The following DLGAP2 variants were observed in gnomAD, a reference collection of about 807,000 sequenced individuals.
DLGAP2 encodes the protein DLG associated protein 2, also known as disks large-associated protein 2.
Under a neutral mutation model 100.3 loss-of-function variants are expected in DLGAP2, and 26 were observed. The observed-to-expected ratio is 0.26, with a 90% CI of 0.19 to 0.36. The LOEUF is 0.36. DLGAP2 is among the 10% of genes least tolerant of loss of function. The probability of loss-of-function intolerance (pLI) is 1.00; values close to 1 mark genes in which losing one functional copy is unlikely to be tolerated. For missense variants in DLGAP2, 1,858 were observed against 1,453.2 expected, an observed-to-expected ratio of 1.28 and a Z score of -4.53; for synonymous variants, 886 against 630.1, an observed-to-expected ratio of 1.41 and a Z score of -6.08.
At chr8:1,454,472 A>G (rs992489077) in intron 3 of DLGAP2, among the ~76,000 whole-genome samples, 7 of 152,096 alleles carry the variant, frequency 4.6e-5, no homozygotes, top group African/African-American at 1.7e-4. Context: ...TGGCACAGCA[A>G]CTGTAGTGGT....
chr8:986,452 G>A (rs1800490132), intron 2 of DLGAP2, among the ~76,000 whole-genome samples: 1 of 152,064 alleles, frequency 6.6e-6, no homozygotes, highest in South Asian at 2.1e-4. Context: ...CTTACTTTAT[G>A]TGGTTCCTAA....
chr8:758,355 T>C (rs1015555737), intron 1 of DLGAP2, among the ~76,000 whole-genome samples: 4 of 152,228 alleles, frequency 2.6e-5, no homozygotes, highest in African/African-American at 7.2e-5. Context: ...TTCCCTGTTA[T>C]TGCTTATCAG....
At chr8:1,431,376 C>T (rs1055854374) in intron 3 of DLGAP2, among the ~76,000 whole-genome samples, 5 of 152,338 alleles carry the variant, frequency 3.3e-5, no homozygotes, top group Non-Finnish European at 7.3e-5. Flanking sequence ...CTTGACTGCA[C>T]GTCTGATCCA....
At chr8:899,137 C>A (rs1798202337) in intron 1 of DLGAP2, among the ~76,000 whole-genome samples, 1 of 152,224 alleles carries the variant, frequency 6.6e-6, no homozygotes, top group African/African-American at 2.4e-5. Flanking sequence ...TGTCTTCACG[C>A]CACTGACGCC....
At chr8:1,623,273 G>A (rs1007475132) in intron 6 of DLGAP2, among the ~76,000 whole-genome samples, 7 of 152,198 alleles carry the variant, frequency 4.6e-5, no homozygotes, top group African/African-American at 1.7e-4. Flanking sequence ...TCAGAAGGGA[G>A]TGCTGCCCCC....
chr8:1,522,406 C>A (rs1042055905), intron 4 of DLGAP2, among the ~76,000 whole-genome samples: 3 of 152,174 alleles, frequency 2.0e-5, no homozygotes. Flanking sequence ...GGCATCACAC[C>A]CACAGGGGCC....
intron 3 of DLGAP2, among the ~76,000 whole-genome samples, chr8:1,473,372 A>C (rs550072968): frequency 6.6e-6 from 1 of 152,208 alleles, no homozygotes; most frequent in Non-Finnish European, 1.5e-5. Flanking sequence ...CGGAGAACGG[A>C]GCCTGCAGTG....
intron 3 of DLGAP2, among the ~76,000 whole-genome samples, chr8:1,495,475 C>T (rs371149644): frequency 1.3e-5 from 2 of 152,204 alleles, no homozygotes; most frequent in South Asian, 2.1e-4. Context: ...CCAAGAGTGG[C>T]GCTGCTGAGG....
intron 2 of DLGAP2, among the ~76,000 whole-genome samples, chr8:1,164,157 C>A (rs1327096299): frequency 3.0e-4 from 2 of 6,614 alleles, no homozygotes; most frequent in East Asian, 2.7e-3. Context: ...TTTCTGTGAG[C>A]CCCCCAGGGC....
chr8:1,443,104 G>C (rs1228002135), intron 3 of DLGAP2, among the ~76,000 whole-genome samples: 2 of 152,138 alleles, frequency 1.3e-5, no homozygotes, highest in Non-Finnish European at 2.9e-5. Flanking sequence ...TACATGGAAA[G>C]TATGTAGTTA....
intron 3 of DLGAP2, among the ~76,000 whole-genome samples, chr8:1,273,280 TC>T (rs1409794500): frequency 7.7e-6 from 1 of 129,404 alleles, no homozygotes; most frequent in Non-Finnish European, 1.7e-5. Context: ...CAGTAGGAAG[TC>T]CGGGAGCCAC....
At chr8:896,548 C>T (rs965015179) in intron 1 of DLGAP2, among the ~76,000 whole-genome samples, 8 of 152,094 alleles carry the variant, frequency 5.3e-5, no homozygotes, top group African/African-American at 1.9e-4. Context: ...CCTTGGTCCC[C>T]AGTGGGATGG....
intron 3 of DLGAP2, among the ~76,000 whole-genome samples, chr8:1,417,519 C>G (rs927683599): frequency 6.6e-6 from 1 of 152,134 alleles, no homozygotes; most frequent in East Asian, 1.9e-4. Context: ...AGGCATAGTA[C>G]ATAGCACAGG....
chr8:1,584,965 C>T (rs754934041), intron 6 of DLGAP2, among the ~76,000 whole-genome samples: 1 of 152,082 alleles, frequency 6.6e-6, no homozygotes, highest in Non-Finnish European at 1.5e-5. Context: ...ATGTCCTTAA[C>T]GTTAAATCAA....
chr8:758,287 T>C (rs1820971554), intron 1 of DLGAP2, among the ~76,000 whole-genome samples: 3 of 152,218 alleles, frequency 2.0e-5, no homozygotes, highest in Non-Finnish European at 4.4e-5. Context: ...ATCTGTACTT[T>C]CTGAATAAAC....
chr8:1,677,868 T>G (rs1373422326), intron 11 of DLGAP2, among the ~76,000 whole-genome samples: 3 of 152,218 alleles, frequency 2.0e-5, no homozygotes, highest in African/African-American at 7.2e-5. Context: ...AACCCATGGC[T>G]TTGGCTGCAT....
At chr8:1,110,109 G>T (rs1054087798) in intron 2 of DLGAP2, among the ~76,000 whole-genome samples, 2 of 145,046 alleles carry the variant, frequency 1.4e-5, no homozygotes, top group African/African-American at 2.6e-5. Flanking sequence ...GGTGTGCATG[G>T]GTCTGTGAGG....
intron 1 of DLGAP2, among the ~76,000 whole-genome samples, chr8:818,513 C>T (rs1796527360): frequency 6.6e-6 from 1 of 152,176 alleles, no homozygotes; most frequent in South Asian, 2.1e-4. Flanking sequence ...CTAGTTCCTT[C>T]CAAGGGTCTG....
At chr8:1,155,404 G>A (rs1796763585) in intron 2 of DLGAP2, among the ~76,000 whole-genome samples, 1 of 152,178 alleles carries the variant, frequency 6.6e-6, no homozygotes, top group South Asian at 2.1e-4. Context: ...CTTGCCAGGG[G>A]GCTGCTAGCT....
Sources: gnomAD v4.1 joint callset for allele counts (sites outside exome capture counted in the v4.1 genomes callset) on GRCh38, gnomAD v4.1.1 for gene constraint, MANE v1.5 for transcripts, NCBI Gene and HGNC (gene_info 2026-07-23, HGNC 2026-07-21) for gene names.